The following SORT1 variants were observed in gnomAD, a reference collection of about 807,000 sequenced individuals.
SORT1 encodes sortilin 1.
In SORT1, 39 loss-of-function variants were observed where a neutral mutation model predicts 101.7. The ratio of observed to expected loss-of-function variants is 0.38; its 90% confidence interval spans 0.30 to 0.50. The LOEUF is 0.50. SORT1 is among the 20% of genes least tolerant of loss of function. The probability of loss-of-function intolerance (pLI) is 0.90; values close to 1 mark genes in which losing one functional copy is unlikely to be tolerated. For synonymous variants in SORT1, 396 were observed against 393.7 expected (o/e 1.01, Z -0.07); for missense variants, 878 against 1,040.4 (o/e 0.84, Z 2.15).
intron 1 of SORT1, among the ~76,000 whole-genome samples, chr1:109,373,956 G>A (rs913786479): frequency 2.0e-5 from 3 of 152,106 alleles, no homozygotes; most frequent in Non-Finnish European, 4.4e-5. Context: ...AGGCATGGTG[G>A]CACATGCTTG....
chr1:109,382,061 TA>T (rs34744406), intron 1 of SORT1, among the ~76,000 whole-genome samples: 54 of 147,046 alleles, frequency 3.7e-4, no homozygotes, highest in South Asian at 1.9e-3. Flanking sequence ...TATTTTTACT[TA>T]AAAAAAAAAG....
intron 15 of SORT1, 47 bp from the exon 16 acceptor site, chr1:109,318,016 C>G: frequency 8.5e-7 from 1 of 1,181,322 alleles, no homozygotes. Flanking sequence ...GCTGGAAGAC[C>G]GTTAAGTGAC....
At chr1:109,342,273 T>C (rs762224262) in intron 8 of SORT1, 115 bp from the exon 9 acceptor site, 4 of 781,796 alleles carry the variant, frequency 5.1e-6, no homozygotes, top group African/African-American at 3.5e-5. Context: ...CTGGGTACGA[T>C]TGCTATGAAT....
At chr1:109,371,179 T>C (rs1651462712) in intron 1 of SORT1, among the ~76,000 whole-genome samples, 1 of 152,198 alleles carries the variant, frequency 6.6e-6, no homozygotes. Context: ...TCTCACAGCC[T>C]CTGCAGGAAA....
chr1:109,328,361 G>A (rs900584211), intron 11 of SORT1, among the ~76,000 whole-genome samples: 2 of 152,152 alleles, frequency 1.3e-5, no homozygotes, highest in Admixed American at 6.5e-5. Flanking sequence ...CACCAAAAGT[G>A]CACCAGGGCT....
intron 10 of SORT1, among the ~76,000 whole-genome samples, chr1:109,337,157 G>A (rs766734324): frequency 7.2e-5 from 11 of 151,834 alleles, no homozygotes; most frequent in Non-Finnish European, 1.2e-4. Flanking sequence ...TTTTTCCCTC[G>A]TCTCTTCCCC....
At chr1:109,340,421 G>C (rs1398693612) in intron 10 of SORT1, among the ~76,000 whole-genome samples, 1 of 152,104 alleles carries the variant, frequency 6.6e-6, no homozygotes, top group Non-Finnish European at 1.5e-5. Flanking sequence ...GGAACGAGGA[G>C]TGCTTGTGCA....
rs559632560 is a variant in SORT1 at position 109,384,040 on chromosome 1, T to A, written c.306+13547A>T. 6.8e-4 allele frequency among the ~76,000 whole-genome samples: 104 copies of A among 152,296 alleles called. No homozygotes were observed. In the Middle Eastern group the frequency reaches 0.014, roughly 20 times the overall value. ...TTTCCAGTCTCTCTAAGCTTTAAAATTCTATGACTCATCAATAATTTAGCC... is the reference window on the plus strand; with the variant it reads ...TTTCCAGTCTCTCTAAGCTTTAAAAATCTATGACTCATCAATAATTTAGCC... On this transcript the variant is annotated intron_variant, in intron 1 of 19. Transcript: ENST00000256637.
At chr1:109,358,896 T>A (rs1234835335) in intron 3 of SORT1, among the ~76,000 whole-genome samples, 2 of 151,860 alleles carry the variant, frequency 1.3e-5, no homozygotes, top group Non-Finnish European at 2.9e-5. Flanking sequence ...ATAACAATTC[T>A]ATGCATCAAC....
intron 3 of SORT1, among the ~76,000 whole-genome samples, chr1:109,358,612 T>G (rs1399378549): frequency 2.0e-5 from 3 of 152,160 alleles, no homozygotes; most frequent in Non-Finnish European, 4.4e-5. Flanking sequence ...TCCCAGCACT[T>G]TGGGAGGCCA....
intron 3 of SORT1, among the ~76,000 whole-genome samples, chr1:109,361,195 A>G (rs948340941): frequency 4.6e-5 from 7 of 152,242 alleles, no homozygotes; most frequent in Admixed American, 4.6e-4. Context: ...AGGAGGAACC[A>G]AGCTGCAACT....
intron 1 of SORT1, chr1:109,393,027 C>A: frequency 1.0e-6 from 1 of 985,426 alleles, no homozygotes; most frequent in Non-Finnish European, 1.2e-6. Context: ...AAGGACTGAC[C>A]TTCAGACTTC....
At chr1:109,372,429 T>A (rs778333834) in intron 1 of SORT1, among the ~76,000 whole-genome samples, 9 of 152,140 alleles carry the variant, frequency 5.9e-5, no homozygotes, top group Middle Eastern at 3.2e-3. Context: ...GAACTACTTA[T>A]GAAGTTTTGA....
At chr1:109,373,321 G>C (rs1452046497) in intron 1 of SORT1, among the ~76,000 whole-genome samples, 1 of 152,214 alleles carries the variant, frequency 6.6e-6, no homozygotes, top group East Asian at 1.9e-4. Flanking sequence ...GAGGTTCACA[G>C]GGCAGAAGAT....
rs765530164 is a variant in SORT1 at position 109,314,223 on chromosome 1, G to GC, written c.2481+37_2481+38insG. On this transcript the variant is annotated intron_variant, in intron 19 of 19. Coordinates refer to ENST00000256637, the MANE Select transcript of SORT1 (RefSeq NM_002959.7). ...GACTTTATTTTCTTGTATTTTTTGG[G>GC]GGGGGGGGTACTACCATTCAAGAAG... is the stretch of plus-strand genomic sequence containing the variant. 6.3e-5 allele frequency: 92 copies of GC among 1,457,012 alleles called. No individual in the cohort carries two copies. In the African/African-American group the frequency reaches 1.1e-3, roughly 18 times the overall value. The allele number at this position is 1,457,012 out of a possible 1,614,324, so 90.3% of individuals were successfully genotyped here. A position where few individuals can be genotyped will look rare whatever the true frequency, so the allele number is the denominator to read the frequency against.
chr1:109,360,314 C>T (rs976981892), intron 3 of SORT1, among the ~76,000 whole-genome samples: 2 of 152,064 alleles, frequency 1.3e-5, no homozygotes, highest in Non-Finnish European at 2.9e-5. Context: ...CCAGCCTGGG[C>T]AACAGTGTAA....
At chr1:109,365,006 T>G (rs768761099) in intron 3 of SORT1, among the ~76,000 whole-genome samples, 6 of 152,200 alleles carry the variant, frequency 3.9e-5, no homozygotes, top group Non-Finnish European at 7.3e-5. Context: ...CAACAAAGCT[T>G]GGCAACATTT....
chr1:109,318,602 C>T (rs1324149659), intron 15 of SORT1, among the ~76,000 whole-genome samples: 2 of 152,168 alleles, frequency 1.3e-5, no homozygotes, highest in African/African-American at 2.4e-5. Flanking sequence ...ACAGAAACCT[C>T]AGCATCAGCA....
intron 1 of SORT1, among the ~76,000 whole-genome samples, chr1:109,383,467 A>G (rs1218869929): frequency 6.6e-6 from 1 of 152,258 alleles, no homozygotes; most frequent in African/African-American, 2.4e-5. Flanking sequence ...TCAGCCTGTC[A>G]CAATGAAAAT....
Sources: gnomAD v4.1 joint callset for allele counts (sites outside exome capture counted in the v4.1 genomes callset) on GRCh38, gnomAD v4.1.1 for gene constraint, MANE v1.5 for transcripts, NCBI Gene and HGNC (gene_info 2026-07-23, HGNC 2026-07-21) for gene names.